KDM4B: variants seen among roughly 807,000 people sequenced by gnomAD.
KDM4B encodes the protein lysine demethylase 4B.
A neutral mutation model predicts 125.2 loss-of-function variants in KDM4B; 32 were observed. That is an observed-to-expected ratio of 0.26 (90% CI 0.19 to 0.34). The LOEUF is 0.34. KDM4B is among the 10% of genes least tolerant of loss of function. KDM4B has a pLI of 1.00. For synonymous variants in KDM4B, 721 were observed against 677.9 expected, an observed-to-expected ratio of 1.06 and a Z score of -0.99; for missense variants, 1,190 against 1,577.7, an observed-to-expected ratio of 0.75 and a Z score of 4.16.
At position 5,119,800 on chromosome 19, in the gene KDM4B, G is replaced by A. The variant is rs1303350182; in HGVS notation, c.1263G>A (p.Glu421=). The A allele has an allele frequency of 6.5e-7, 1 of 1,544,052 alleles. No homozygotes were observed. The highest frequency in any genetic ancestry group is 2.0e-5 in the Admixed American group (1 of 50,222). The stretch of plus-strand genomic sequence containing the variant: ...GGCCGGAGGTTGACCCCGAGGAGGA[G>A]GAGGAGGAGCCGCAGCCACTGCCAC... The part of the protein sequence containing the change: ...EAGPEVDPEE[E]EEEPQPLPHG... Residue 421 remains glutamate, a synonymous_variant, in exon 11 of 23, where the codon GAG becomes GAA. Transcript: ENST00000159111.
In KDM4B at chr19:5,131,449, A is replaced by C; in HGVS notation, c.1689A>C (p.Glu563Asp). 6.2e-7 allele frequency: 1 copy of C among 1,605,576 alleles called. No homozygotes were observed. The highest frequency in any genetic ancestry group is 8.5e-7 in the Non-Finnish European group (1 of 1,178,422). Reference sequence around the variant, plus strand: ...CCCAGAAGGGTCCGACCTGGAAGGAACCAGTTTCCCCCATGGAGCTGACGG... The same window carrying C: ...CCCAGAAGGGTCCGACCTGGAAGGACCCAGTTTCCCCCATGGAGCTGACGG... The part of the protein sequence containing the change: ...HFAQKGPTWK[E>D]PVSPMELTGP... Residue 563 changes from glutamate to aspartate, a missense_variant, in exon 12 of 23, where the codon GAA becomes GAC. By Grantham distance (45) the Glu-to-Asp change is conservative. This residue lies in a region of KDM4B where 428 missense variants were observed against 405.1 expected (regional missense o/e 1.06). Coordinates refer to ENST00000159111, the MANE Select transcript of KDM4B (RefSeq NM_015015.3).
At chr19:5,099,309 T>C (rs1374853479) in intron 9 of KDM4B, among the ~76,000 whole-genome samples, 1 of 152,246 alleles carries the variant, frequency 6.6e-6, no homozygotes, top group African/African-American at 2.4e-5. Flanking sequence ...GCCATGTCTG[T>C]GTCTTGGGTG....
At chr19:5,108,849 G>C (rs1179924169) in intron 9 of KDM4B, among the ~76,000 whole-genome samples, 7 of 152,144 alleles carry the variant, frequency 4.6e-5, no homozygotes, top group Non-Finnish European at 1.0e-4. Flanking sequence ...CGCGGTCCCT[G>C]GGCCCGCCTC....
rs1441857495 is a variant in KDM4B at position 5,137,613 on chromosome 19, C to G, written c.2386-8C>G. ...CCCTGCTCATCCAGGGCTGTCTGGT[C>G]TCCACAGGAGTGCTGCCTGTGCAAC... On this transcript the variant is annotated splice_polypyrimidine_tract_variant and splice_region_variant and intron_variant, in intron 16 of 22. Coordinates refer to ENST00000159111, the MANE Select transcript of KDM4B (RefSeq NM_015015.3). 1.2e-6 allele frequency: 2 copies of G among 1,603,696 alleles called. No homozygotes were observed. Among genetic ancestry groups the G allele is most frequent in the African/African-American group, 2.7e-5 (2 of 74,904 alleles).
At chr19:5,127,983 C>G (rs2039477835) in intron 11 of KDM4B, among the ~76,000 whole-genome samples, 1 of 152,200 alleles carries the variant, frequency 6.6e-6, no homozygotes, top group South Asian at 2.1e-4. Flanking sequence ...CTCTGTGTCT[C>G]TGGCCCCACA....
chr19:5,068,349 C>T lies in KDM4B; in HGVS notation c.627-2661C>T, dbSNP rs571879797. On this transcript the variant is annotated intron_variant, in intron 6 of 22. Transcript: ENST00000159111. ...CCGCCCACCAGTGCCGTCGCAACCCCGTCCTTTGGACTGGGCTTTTCAGGA... is the reference window on the plus strand; with the variant it reads ...CCGCCCACCAGTGCCGTCGCAACCCTGTCCTTTGGACTGGGCTTTTCAGGA... 1.4e-3 allele frequency among the ~76,000 whole-genome samples: 210 copies of T among 152,340 alleles called. 1 individual carries two copies. Among genetic ancestry groups the T allele is most frequent in the Non-Finnish European group, 2.1e-3 (142 of 68,024 alleles).
At chr19:5,050,065 C>T (rs759366122) in intron 6 of KDM4B, among the ~76,000 whole-genome samples, 26 of 152,198 alleles carry the variant, frequency 1.7e-4, no homozygotes, top group Non-Finnish European at 3.1e-4. Flanking sequence ...ACCAAGGCTG[C>T]GCCCCGTCTG....
chr19:5,144,322 T>G lies in KDM4B; in HGVS notation c.2811T>G (p.Cys937Trp). Reference sequence around the variant, plus strand: ...ACCGCAACGGGCTGTACTACCGCTGTCGCGTCATCGGTGCCGCCTCGCAGA... The same window carrying G: ...ACCGCAACGGGCTGTACTACCGCTGGCGCGTCATCGGTGCCGCCTCGCAGA... ...TKNRNGLYYR[C>W]RVIGAASQTC... Residue 937 changes from cysteine (C) to tryptophan (W), a missense_variant, in exon 20 of 23, where the codon TGT becomes TGG. By Grantham distance (215) the Cys-to-Trp change is radical. Coordinates refer to ENST00000159111, the MANE Select transcript of KDM4B (RefSeq NM_015015.3). 1 of 1,574,078 alleles carries G rather than the reference T, an allele frequency of 6.4e-7. No individual in the cohort carries two copies. The highest frequency in any genetic ancestry group is 8.6e-7 in the Non-Finnish European group (1 of 1,159,804).
intron 9 of KDM4B, among the ~76,000 whole-genome samples, chr19:5,094,300 C>T (rs1047294336): frequency 3.3e-5 from 5 of 152,230 alleles, no homozygotes; most frequent in East Asian, 1.9e-4. Context: ...TGCTGAGTAG[C>T]GCGGGGAACA....
chr19:5,111,356 A>T, intron 10 of KDM4B: 1 of 759,256 alleles, frequency 1.3e-6, no homozygotes, highest in Non-Finnish European at 2.4e-6. Context: ...GTGACCCTGG[A>T]TGCCCTCCTC....
intron 11 of KDM4B, among the ~76,000 whole-genome samples, chr19:5,121,821 G>A (rs2039367589): frequency 6.6e-6 from 1 of 152,122 alleles, no homozygotes; most frequent in African/African-American, 2.4e-5. Context: ...TGATTTAAAT[G>A]CAGGCGGATG....
rs577391084 is a variant in KDM4B at position 5,110,740 on chromosome 19, G to A, written c.1037G>A (p.Arg346Gln). The A allele has an allele frequency of 7.4e-6, 12 of 1,611,898 alleles. No individual in the cohort carries two copies. The highest frequency in any genetic ancestry group is 6.7e-5 in the Admixed American group (4 of 59,920). The change falls in exon 10 of 23, where the codon CGG (arginine) becomes CAG (glutamine). Residue 346 changes from arginine (R) to glutamine (Q), a missense_variant. This residue lies in a region of KDM4B where 428 missense variants were observed against 405.1 expected (regional missense o/e 1.06). Transcript: ENST00000159111. ...GACCTCACGGTGCTGGACCACACGC[G>A]GCCCACGGCGCTCACCAGCCCCGAG... ...GKDLTVLDHT[R>Q]PTALTSPELS...
intron 5 of KDM4B, among the ~76,000 whole-genome samples, chr19:5,042,743 C>T (rs2036863216): frequency 6.6e-6 from 1 of 151,574 alleles, no homozygotes; most frequent in African/African-American, 2.4e-5. Flanking sequence ...GCCCTGAGGA[C>T]AGCACCGCGG....
intron 18 of KDM4B, 98 bp from the exon 19 acceptor site, chr19:5,143,869 C>T: frequency 1.0e-6 from 1 of 980,914 alleles, no homozygotes. Flanking sequence ...TCCCGCGATG[C>T]CTCCCTTGAA....
intron 2 of KDM4B, among the ~76,000 whole-genome samples, chr19:5,022,858 C>CTT (rs78449727): frequency 6.8e-6 from 1 of 146,456 alleles, no homozygotes; most frequent in Admixed American, 6.8e-5. Context: ...GGGGTTGGTA[C>CTT]TTTTTTTTTT....
intron 16 of KDM4B, 108 bp downstream of exon 16, chr19:5,137,446 C>T (rs969325714): frequency 4.0e-6 from 5 of 1,252,260 alleles, no homozygotes; most frequent in South Asian, 1.3e-5. Flanking sequence ...GCCTGGGTTC[C>T]TTCACCTCTG....
intron 21 of KDM4B, among the ~76,000 whole-genome samples, chr19:5,145,969 G>A (rs1007481907): frequency 1.3e-5 from 2 of 152,220 alleles, no homozygotes; most frequent in African/African-American, 4.8e-5. Flanking sequence ...GGTCCCGCCC[G>A]CATCTCCCGC....
intron 21 of KDM4B, 99 bp downstream of exon 21, chr19:5,145,001 T>TG: frequency 2.0e-6 from 3 of 1,511,572 alleles, no homozygotes; most frequent in Non-Finnish European, 2.7e-6. Context: ...TGCCTTTGCC[T>TG]GGGGCACTGG....
At chr19:5,132,565 C>T (rs576952927) in intron 13 of KDM4B, among the ~76,000 whole-genome samples, 37 of 152,176 alleles carry the variant, frequency 2.4e-4, no homozygotes, top group Middle Eastern at 3.4e-3. Flanking sequence ...GTTCTAGAAG[C>T]GCGTGGGATC....
Sources: gnomAD v4.1 joint callset for allele counts (sites outside exome capture counted in the v4.1 genomes callset) on GRCh38, gnomAD v4.1.1 for gene constraint, gnomAD v4.1.1 regional missense constraint, MANE v1.5 for transcripts, NCBI Gene and HGNC (gene_info 2026-07-23, HGNC 2026-07-21) for gene names.